The following UHMK1 variants were observed in gnomAD, a reference collection of about 807,000 sequenced individuals.
UHMK1 encodes serine/threonine-protein kinase Kist.
Under a neutral mutation model 44.0 loss-of-function variants are expected in UHMK1, and 18 were observed. The ratio of observed to expected loss-of-function variants is 0.41; its 90% confidence interval spans 0.28 to 0.61. The LOEUF (loss-of-function observed/expected upper bound fraction) is 0.61, where lower values mean the gene tolerates loss of function less well. Ranked by LOEUF, UHMK1 falls within the 20% of genes least tolerant of loss-of-function variation. UHMK1 has a pLI of 0.31. For missense variants in UHMK1, 463 were observed against 522.5 expected (o/e 0.89, Z 1.11); for synonymous variants, 231 against 198.5 (o/e 1.16, Z -1.38).
chr1:162,499,663 T>G (rs1225592743), intron 1 of UHMK1, among the ~76,000 whole-genome samples: 1 of 152,232 alleles, frequency 6.6e-6, no homozygotes. Context: ...TGCTTGGCAC[T>G]CCAAGTTCGT....
At chr1:162,505,058 T>A (rs1250337264) in intron 4 of UHMK1, among the ~76,000 whole-genome samples, 2 of 152,116 alleles carry the variant, frequency 1.3e-5, no homozygotes, top group African/African-American at 4.8e-5. Context: ...TACAGGTGTG[T>A]GCCACCGCTT....
At chr1:162,499,808 T>C in intron 1 of UHMK1, 147 bp from the exon 2 acceptor site, 2 of 727,220 alleles carry the variant, frequency 2.8e-6, no homozygotes, top group Non-Finnish European at 4.4e-6. Flanking sequence ...CAAAAGATCT[T>C]ATTCATGGGA....
rs76307546 is a variant in UHMK1 at position 162,499,632 on chromosome 1, T to A, written c.269-323T>A. 1.4e-3 allele frequency among the ~76,000 whole-genome samples: 212 copies of A among 152,286 alleles called. 5 individuals carry two copies. In the East Asian group the frequency reaches 0.034, roughly 25 times the overall value. On this transcript the variant is annotated intron_variant, in intron 1 of 7. Transcript: ENST00000489294. Reference sequence around the variant, plus strand: ...TAAGTTTTATTTATTTATATTTAGGTTTTTTACTTTTAATCATTTTTGCTT... The same window carrying A: ...TAAGTTTTATTTATTTATATTTAGGATTTTTACTTTTAATCATTTTTGCTT...
At chr1:162,522,378 A>G in intron 7 of UHMK1, 26 bp from the exon 8 acceptor site, 4 of 1,612,704 alleles carry the variant, frequency 2.5e-6, no homozygotes, top group South Asian at 2.2e-5. Flanking sequence ...TGGAAATGAA[A>G]TGTTTTTTTC....
At chr1:162,503,707 A>G (rs1032105558) in intron 3 of UHMK1, 47 bp from the exon 4 acceptor site, 5 of 1,443,406 alleles carry the variant, frequency 3.5e-6, no homozygotes, top group Non-Finnish European at 4.9e-6. Flanking sequence ...AGTATTCAAT[A>G]AATACAGACT....
chr1:162,516,740 A>G (rs1177155261), intron 6 of UHMK1, among the ~76,000 whole-genome samples: 2 of 152,236 alleles, frequency 1.3e-5, no homozygotes, highest in Non-Finnish European at 2.9e-5. Flanking sequence ...GAAGTAGACA[A>G]GTATTTTACA....
Position 162,523,780 on chromosome 1 carries a change from A to C in UHMK1, c.*1230A>C, listed in dbSNP as rs918468146. On this transcript the variant is annotated 3_prime_UTR_variant, in exon 8 of 8. Transcript: ENST00000489294. ...GCTGAAGACAAACTAGAGGAGCAGC[A>C]TCCCAGGTAGTTTGGCTTTTGACTG... The C allele has an allele frequency of 1.4e-4, 22 of 152,292 alleles. No individual in the cohort carries two copies. Among genetic ancestry groups the C allele is most frequent in the African/African-American group, 5.3e-4 (22 of 41,552 alleles). 9.4% of individuals were successfully genotyped at this position (152,292 alleles called of 1,614,324 possible).
chr1:162,509,636 GT>G (rs962189690), intron 4 of UHMK1, among the ~76,000 whole-genome samples: 57 of 151,956 alleles, frequency 3.8e-4, no homozygotes, highest in African/African-American at 1.3e-3. Flanking sequence ...GGCACTATAG[GT>G]TTTTTTTCGT....
chr1:162,521,835 G>A (rs1361387378), intron 7 of UHMK1, among the ~76,000 whole-genome samples: 7 of 152,160 alleles, frequency 4.6e-5, no homozygotes, highest in Admixed American at 1.3e-4. Flanking sequence ...CACCGTGTTC[G>A]TCAGGCTGAT....
At position 162,526,512 on chromosome 1, in the gene UHMK1, G is replaced by C. The variant is rs1652258045; in HGVS notation, c.*3962G>C. 1 of 151,860 alleles carries C rather than the reference G, an allele frequency of 6.6e-6. No homozygotes were observed. Among genetic ancestry groups the C allele is most frequent in the African/African-American group, 2.4e-5 (1 of 41,332 alleles). The allele number at this position is 151,860 out of a possible 1,614,324, so 9.4% of individuals were successfully genotyped here. On this transcript the variant is annotated 3_prime_UTR_variant, in exon 8 of 8. Coordinates refer to ENST00000489294, the MANE Select transcript of UHMK1 (RefSeq NM_175866.5). ...AGATAAAGATTTAAGCAAGTGCCTT[G>C]TGTTTGCTGGAAAATATTAAAACTC...
At chr1:162,497,213 G>A (rs1280903721), upstream of UHMK1, 8 of 697,280 alleles carry the variant, frequency 1.1e-5, no homozygotes, top group South Asian at 1.2e-4. Context: ...TGCAGATGAA[G>A]CCTCCAGGTA....
chr1:162,510,173 T>C (rs1651618151), intron 4 of UHMK1, among the ~76,000 whole-genome samples: 1 of 152,238 alleles, frequency 6.6e-6, no homozygotes, highest in Non-Finnish European at 1.5e-5. Flanking sequence ...TAAATCTAGT[T>C]AATGAACAAA....
rs569099831 is a variant in UHMK1 at position 162,498,213 on chromosome 1, T to C, written c.213T>C (p.Tyr71=). 2 of 1,611,898 alleles carry C rather than the reference T, an allele frequency of 1.2e-6. No homozygotes were observed. The highest frequency in any genetic ancestry group is 2.2e-5 in the South Asian group (2 of 90,850). The change falls in exon 1 of 8, where the codon TAT becomes TAC. Residue 71 remains tyrosine, a synonymous_variant. Transcript: ENST00000489294. ...TTGAAASAAE[Y]GFRKERAALE... ...GGGCTGCGGCCTCTGCCGCCGAGTA[T>C]GGTTTCCGCAAAGAGAGGGCGGCGC...
At chr1:162,500,489 C>T (rs964253986) in intron 2 of UHMK1, 7 of 500,472 alleles carry the variant, frequency 1.4e-5, no homozygotes, top group Non-Finnish European at 2.4e-5. Flanking sequence ...ATTAAAAGTA[C>T]TTAACCTACA....
chr1:162,520,442 A>G (rs938827095), intron 7 of UHMK1, among the ~76,000 whole-genome samples: 3 of 152,232 alleles, frequency 2.0e-5, no homozygotes, highest in Non-Finnish European at 4.4e-5. Context: ...AAAGTGGTCA[A>G]ATCAGATTTT....
chr1:162,502,893 CT>C (rs1651327338), intron 3 of UHMK1, among the ~76,000 whole-genome samples: 1 of 152,084 alleles, frequency 6.6e-6, no homozygotes, highest in Non-Finnish European at 1.5e-5. Context: ...AGAAATGATA[CT>C]TTTAGCAAAC....
At position 162,501,094 on chromosome 1, in the gene UHMK1, AGGAAT is replaced by A; in HGVS notation, c.748_752del (p.Trp250GlyfsTer8). ...AAACTGAAACATACAGTCAGATCTC[AGGAAT>A]GGAAGGTAAACTTCACCAGTGCTTT... On this transcript the variant is annotated frameshift_variant, in exon 3 of 8. Coordinates refer to ENST00000489294, the MANE Select transcript of UHMK1 (RefSeq NM_175866.5). LOFTEE classifies it high-confidence loss of function. The A allele has an allele frequency of 6.2e-7, 1 of 1,613,650 alleles. No homozygotes were observed.
Position 162,524,588 on chromosome 1 carries a change from C to CTAA in UHMK1, c.*2039_*2040insAAT, listed in dbSNP as rs1378325732. On this transcript the variant is annotated 3_prime_UTR_variant, in exon 8 of 8. Transcript: ENST00000489294. ...GATGAACATGGGATACAAAGGAATTCTTTATAAGGGCAAGTATCCTAAGTT... is the reference window on the plus strand; with the variant it reads ...GATGAACATGGGATACAAAGGAATTCTAATTTATAAGGGCAAGTATCCTAAGTT... 1 of 152,142 alleles carries CTAA rather than the reference C, an allele frequency of 6.6e-6. No individual in the cohort carries two copies. Among genetic ancestry groups the CTAA allele is most frequent in the Admixed American group, 6.6e-5 (1 of 15,266 alleles). The allele number at this position is 152,142 out of a possible 1,614,324, so 9.4% of individuals were successfully genotyped here.
At position 162,525,835 on chromosome 1, in the gene UHMK1, T is replaced by G. The variant is rs1208398271; in HGVS notation, c.*3285T>G. The G allele has an allele frequency of 6.6e-6, 1 of 152,190 alleles. No individual in the cohort carries two copies. The highest frequency in any genetic ancestry group is 2.4e-5 in the African/African-American group (1 of 41,448). 9.4% of individuals were successfully genotyped at this position (152,190 alleles called of 1,614,324 possible). A position where few individuals can be genotyped will look rare whatever the true frequency, so the allele number is the denominator to read the frequency against. On this transcript the variant is annotated 3_prime_UTR_variant, in exon 8 of 8. Coordinates refer to ENST00000489294, the MANE Select transcript of UHMK1 (RefSeq NM_175866.5). ...TGGTTTTACTCGAACTTCTCTTTGT[T>G]TTTATTGAGAGAAATATTGCCTTCT...
Sources: gnomAD v4.1 joint callset for allele counts (sites outside exome capture counted in the v4.1 genomes callset) on GRCh38, gnomAD v4.1.1 for gene constraint, MANE v1.5 for transcripts, NCBI Gene and HGNC (gene_info 2026-07-23, HGNC 2026-07-21) for gene names.